Variants in LYPD8 observed in about 807,000 individuals in gnomAD.
LYPD8 encodes the protein LY6/PLAUR domain containing 8.
Under a neutral mutation model 1.7 loss-of-function variants are expected in LYPD8, and 8 were observed. The ratio of observed to expected loss-of-function variants is 4.58; its 90% CI spans 2.69 to 8.27. LYPD8 has a LOEUF of 8.27. LYPD8 is among the 30% of genes most tolerant of loss of function. LYPD8 has a pLI of 0.00. For missense variants in LYPD8, 112 were observed against 102.3 expected (o/e 1.09, Z -0.41); for synonymous variants, 50 against 43.6 (o/e 1.15, Z -0.58).
At chr1:248,752,595 ACCC>A (rs1662818337) in intron 2 of LYPD8, among the ~76,000 whole-genome samples, 1 of 121,512 alleles carries the variant, frequency 8.2e-6, no homozygotes, top group Non-Finnish European at 1.8e-5. Context: ...CACACCACAC[ACCC>A]CACACACCCC....
intron 6 of LYPD8, among the ~76,000 whole-genome samples, chr1:248,743,892 C>T (rs1662672520): frequency 6.6e-6 from 1 of 152,184 alleles, no homozygotes; most frequent in Admixed American, 6.5e-5. Flanking sequence ...AGCGCATGGC[C>T]TGGACTCTGC....
chr1:248,752,858 C>T (rs1662836308), intron 2 of LYPD8, among the ~76,000 whole-genome samples: 4 of 76,648 alleles, frequency 5.2e-5, no homozygotes, highest in African/African-American at 1.3e-4. Context: ...CACACCACAC[C>T]ACACACACAC....
In LYPD8 at chr1:248,752,387, C is replaced by T. The variant is rs965493929; in HGVS notation, c.-49-1257G>A. On this transcript the variant is annotated intron_variant, in intron 2 of 6. Transcript: ENST00000590317. The stretch of plus-strand genomic sequence containing the variant: ...CAAAGCCAGTGCTCTATTCCAGGTC[C>T]TTCCAGCTCCAAAGCCTAGTTGCAC... 8.6e-5 allele frequency among the ~76,000 whole-genome samples: 13 copies of T among 152,038 alleles called. No homozygotes were observed. In the East Asian group the frequency reaches 2.3e-3, roughly 27 times the overall value.
intron 2 of LYPD8, among the ~76,000 whole-genome samples, chr1:248,754,738 T>G (rs1045730454): frequency 6.6e-6 from 1 of 152,146 alleles, no homozygotes; most frequent in Non-Finnish European, 1.5e-5. Flanking sequence ...ATGATGCCAA[T>G]GACCCCACCA....
chr1:248,752,891 C>T (rs1270332079), intron 2 of LYPD8, among the ~76,000 whole-genome samples: 3 of 98,992 alleles, frequency 3.0e-5, no homozygotes, highest in Non-Finnish European at 6.0e-5. Context: ...ACAACACATA[C>T]ACACATCACA....
intron 3 of LYPD8, 90 bp downstream of exon 3, chr1:248,750,940 G>A (rs1257704528): frequency 2.5e-5 from 10 of 398,454 alleles, no homozygotes; most frequent in Non-Finnish European, 4.0e-5. Context: ...TTTGACATGT[G>A]AGGCCCTCGG....
intron 2 of LYPD8, among the ~76,000 whole-genome samples, chr1:248,752,899 A>C (rs1662838820): frequency 1.9e-5 from 2 of 104,954 alleles, no homozygotes; most frequent in Admixed American, 9.6e-5. Context: ...TACACACATC[A>C]CACACACCCC....
intron 5 of LYPD8, among the ~76,000 whole-genome samples, chr1:248,746,215 A>G (rs1662724057): frequency 6.6e-6 from 1 of 152,226 alleles, no homozygotes; most frequent in Admixed American, 6.5e-5. Context: ...TGATAGATGG[A>G]GTCCACATAA....
At chr1:248,752,349 C>T (rs1010554007) in intron 2 of LYPD8, among the ~76,000 whole-genome samples, 7 of 151,904 alleles carry the variant, frequency 4.6e-5, no homozygotes, top group African/African-American at 1.5e-4. Flanking sequence ...CAAGCTCGCT[C>T]GGCTCCTAAG....
intron 2 of LYPD8, among the ~76,000 whole-genome samples, chr1:248,754,534 C>G (rs1000920816): frequency 1.4e-4 from 21 of 151,290 alleles, no homozygotes; most frequent in Non-Finnish European, 2.2e-4. Context: ...ACATACACAT[C>G]ACACACCCTC....
At chr1:248,746,459 G>C (rs985923862) in intron 5 of LYPD8, among the ~76,000 whole-genome samples, 148 of 152,362 alleles carry the variant, frequency 9.7e-4, no homozygotes, top group African/African-American at 3.3e-3. Context: ...ATACACTGAA[G>C]TGTCTGGACT....
intron 2 of LYPD8, among the ~76,000 whole-genome samples, chr1:248,752,616 TCACACAC>T (rs1662819821): frequency 2.1e-5 from 1 of 47,328 alleles, no homozygotes; most frequent in Non-Finnish European, 5.3e-5. Context: ...CCCACACACA[TCACACAC>T]ACACACCACA....
chr1:248,745,216 G>C lies in LYPD8; in HGVS notation c.401C>G (p.Thr134Ser). 2.5e-6 allele frequency: 1 copy of C among 398,588 alleles called. No homozygotes were observed. The highest frequency in any genetic ancestry group is 4.4e-6 in the Non-Finnish European group (1 of 226,056). 24.7% of individuals were successfully genotyped at this position (398,588 alleles called of 1,614,324 possible). A position where few individuals can be genotyped will look rare whatever the true frequency, so the allele number is the denominator to read the frequency against. ...ECPACYESNG[T>S]SCHGKPWKCY... ...TTTCCAGGGCTTCCCATGACAGGAA[G>C]TTCCATTAGATTCATAACAAGCAGG... Residue 134 changes from threonine to serine, a missense_variant, in exon 6 of 7, where the codon ACT (threonine) becomes AGT (serine). Transcript: ENST00000590317.
rs1435963975 is a variant in LYPD8 at position 248,752,804 on chromosome 1, A to ACC, written c.-49-1675_-49-1674insGG. On this transcript the variant is annotated intron_variant, in intron 2 of 6. Coordinates refer to ENST00000590317, the MANE Select transcript of LYPD8 (RefSeq NM_001085474.2). Reference sequence around the variant, plus strand: ...ACACACCACACACACACCACACCCCACAACACACACACATCACATCACACA... The same window carrying ACC: ...ACACACCACACACACACCACACCCCACCCAACACACACACATCACATCACACA... Among the ~76,000 whole-genome samples, 19 of 87,454 alleles carry ACC rather than the reference A, an allele frequency of 2.2e-4. 1 individual carries two copies. The highest frequency in any genetic ancestry group is 3.8e-4 in the South Asian group (1 of 2,634). 57.4% of individuals were successfully genotyped at this position (87,454 alleles called of 152,430 possible).
chr1:248,743,891 CCTGGACT>C (rs1396585306), intron 6 of LYPD8, among the ~76,000 whole-genome samples: 4 of 152,202 alleles, frequency 2.6e-5, no homozygotes, highest in Admixed American at 1.3e-4. Context: ...GAGCGCATGG[CCTGGACT>C]CTGCAATGAA....
chr1:248,742,111 G>A lies in LYPD8; in HGVS notation c.476-2262C>T, dbSNP rs542608214. On this transcript the variant is annotated intron_variant, in intron 6 of 6. Coordinates refer to ENST00000590317, the MANE Select transcript of LYPD8 (RefSeq NM_001085474.2). ...CCTTAATGTAAGCTATCAACTTTGG[G>A]TGAGGCTGTATCAATGTAGCCTCAC... Among the ~76,000 whole-genome samples, 5 of 152,350 alleles carry A rather than the reference G, an allele frequency of 3.3e-5. No homozygotes were observed. The South Asian group carries it at 1.0e-3, about 32-fold the overall frequency.
In LYPD8 at chr1:248,739,893, G is replaced by C; in HGVS notation, c.476-44C>G. ...CAGGAGGGACGCCACTCAGTCCTTT[G>C]TCCTTCCACCCACGCCTGCTCTTAG... On this transcript the variant is annotated intron_variant, in intron 6 of 6. Transcript: ENST00000590317. The surrounding 1 kb of genome is among the most constrained non-coding windows in gnomAD (Gnocchi z 4.3). The C allele has an allele frequency of 6.5e-7, 1 of 1,548,890 alleles. No individual in the cohort carries two copies. Among genetic ancestry groups the C allele is most frequent in the Non-Finnish European group, 8.7e-7 (1 of 1,145,768 alleles).
At chr1:248,754,609 A>C (rs1229922531) in intron 2 of LYPD8, among the ~76,000 whole-genome samples, 1 of 151,878 alleles carries the variant, frequency 6.6e-6, no homozygotes, top group Non-Finnish European at 1.5e-5. Flanking sequence ...CACAAACCAT[A>C]TACACAATAC....
chr1:248,753,162 C>CA (rs1662851493), intron 2 of LYPD8, among the ~76,000 whole-genome samples: 1 of 114,276 alleles, frequency 8.8e-6, no homozygotes. Context: ...ACCCCACACA[C>CA]CACACACACC....
Sources: allele counts gnomAD v4.1 joint callset (sites outside exome capture counted in the v4.1 genomes callset), GRCh38; gene constraint gnomAD v4.1.1; non-coding constraint Gnocchi (gnomAD v3.1); transcripts MANE v1.5; gene names NCBI Gene and HGNC (gene_info 2026-07-23, HGNC 2026-07-21).